POU5F1: variants seen among roughly 807,000 people sequenced by gnomAD.
The protein encoded by POU5F1 is POU class 5 homeobox 1.
In POU5F1, 6 loss-of-function variants were observed where a neutral mutation model predicts 38.3. That is an observed-to-expected ratio of 0.16 (90% CI 0.09 to 0.31). The LOEUF (loss-of-function observed/expected upper bound fraction) is 0.31, where lower values mean the gene tolerates loss of function less well. Among genes scored for constraint, POU5F1 ranks in the 10% least tolerant of loss-of-function variants. The pLI, the probability that POU5F1 is intolerant of heterozygous loss-of-function variation, is 1.00. For missense variants in POU5F1, 286 were observed against 462.6 expected (o/e 0.62, Z 3.50); for synonymous variants, 147 against 194.9 (o/e 0.75, Z 2.05).
chr6:31,166,083 A>C (rs765521397), intron 1 of POU5F1, 36 bp from the exon 2 acceptor site: 38 of 1,614,086 alleles, frequency 2.4e-5, no homozygotes, highest in Admixed American at 3.3e-5. Context: ...GTAAGAACAT[A>C]AACACACCAG....
At position 31,164,627 on chromosome 6, in the gene POU5F1, G is replaced by C; in HGVS notation, c.1057C>G (p.Leu353Val). 1.3e-6 allele frequency: 2 copies of C among 1,582,550 alleles called. No homozygotes were observed. The highest frequency in any genetic ancestry group is 1.7e-6 in the Non-Finnish European group (2 of 1,164,070). ...CAGTTTGAATGCATGGGAGAGCCCA[G>C]AGTGGTGACGGAGACAGGGGGAAAG... ...EAFPPVSVTT[L>V]GSPMHSN Residue 353 changes from leucine to valine, a missense_variant, in exon 5 of 5, where the codon CTG becomes GTG. Physicochemically the swap from Leu to Val is conservative, Grantham distance 32. Coordinates refer to ENST00000259915, the MANE Select transcript of POU5F1 (RefSeq NM_002701.6).
At chr6:31,166,615 C>T (rs983642581) in intron 1 of POU5F1, 37 of 1,098,640 alleles carry the variant, frequency 3.4e-5, no homozygotes, top group African/African-American at 8.1e-5. Context: ...GCTGAGATCA[C>T]GCCACTGCAC....
intron 1 of POU5F1, chr6:31,167,214 A>C: frequency 3.3e-6 from 1 of 306,948 alleles, no homozygotes; most frequent in Non-Finnish European, 6.2e-6. Flanking sequence ...TCCTGCTCTG[A>C]AAAATAAAAA....
rs750095390 is a variant in POU5F1, at chr6:31,170,309, C to T, written c.312G>A (p.Glu104=). 1 of 1,612,810 alleles carries T rather than the reference C, an allele frequency of 6.2e-7. No homozygotes were observed. Among genetic ancestry groups the T allele is most frequent in the Non-Finnish European group, 8.5e-7 (1 of 1,179,844 alleles). Residue 104 remains glutamate (E), a synonymous_variant, in exon 1 of 5, where the codon GAG becomes GAA. Coordinates refer to ENST00000259915, the MANE Select transcript of POU5F1 (RefSeq NM_002701.6). ...QPEGEAGVGV[E]SNSDGASPEP... is the part of the protein sequence containing the mutation. ...CCGGGGAGGCCCCATCGGAGTTGCT[C>T]TCCACCCCGACTCCTGCTTCGCCCT...
In POU5F1 at chr6:31,165,427, C is replaced by G; in HGVS notation, c.658-141G>C. 1 of 1,565,748 alleles carries G rather than the reference C, an allele frequency of 6.4e-7. No homozygotes were observed. The highest frequency in any genetic ancestry group is 8.7e-7 in the Non-Finnish European group (1 of 1,153,326). On this transcript the variant is annotated intron_variant, in intron 3 of 4. Transcript: ENST00000259915. The surrounding 1 kb of genome is among the most constrained non-coding windows in gnomAD (Gnocchi z 6.5). Reference sequence around the variant, plus strand: ...GATCCTGGAAGGGTTGGCTCTGGACCTTATCCCAGCAGAACTGAGGAATTT... The same window carrying G: ...GATCCTGGAAGGGTTGGCTCTGGACGTTATCCCAGCAGAACTGAGGAATTT...
chr6:31,165,894 A>G lies in POU5F1; in HGVS notation c.526+33T>C, dbSNP rs1250867103. On this transcript the variant is annotated intron_variant, in intron 2 of 4. Transcript: ENST00000259915. This position sits in a 1 kb window ranked among gnomAD's most constrained non-coding sequence, Gnocchi z 6.5. ...GGTTCAGGGATACTCCTTAGAGGGG[A>G]GATGCGGTCAGAATCTGCAGAGGGG... 6.2e-7 allele frequency: 1 copy of G among 1,613,204 alleles called. No homozygotes were observed. Among genetic ancestry groups the G allele is most frequent in the South Asian group, 1.1e-5 (1 of 91,000 alleles).
intron 1 of POU5F1, among the ~76,000 whole-genome samples, chr6:31,167,674 C>T (rs1777371858): frequency 6.6e-6 from 1 of 150,914 alleles, no homozygotes; most frequent in Non-Finnish European, 1.5e-5. Context: ...CACCACTGCA[C>T]TCCAGCCTGA....
rs1473170859 is a variant in POU5F1 at position 31,166,802 on chromosome 6, T to C, written c.406-755A>G. ...GGTTAATTAAAAAGGAAGAGCATCA[T>C]GTCTCAGAAGCTAAATTCAGTATAT... On this transcript the variant is annotated intron_variant, in intron 1 of 4. Coordinates refer to ENST00000259915, the MANE Select transcript of POU5F1 (RefSeq NM_002701.6). The C allele has an allele frequency of 4.2e-6, 5 of 1,183,336 alleles. No homozygotes were observed. The African/African-American group carries it at 7.9e-5, about 19-fold the overall frequency. 73.3% of individuals were successfully genotyped at this position (1,183,336 alleles called of 1,614,324 possible).
intron 4 of POU5F1, 123 bp from the exon 5 acceptor site, chr6:31,164,990 T>C: frequency 1.2e-5 from 19 of 1,547,972 alleles, no homozygotes; most frequent in Non-Finnish European, 1.5e-5. Flanking sequence ...CATTAGAGAA[T>C]GAGCTGAGAC....
At chr6:31,169,946 A>G in intron 1 of POU5F1, 1 of 590,172 alleles carries the variant, frequency 1.7e-6, no homozygotes, top group Non-Finnish European at 3.0e-6. Flanking sequence ...GGCCAGAGCA[A>G]AGGCCAGCCT....
chr6:31,164,642 C>T lies in POU5F1; in HGVS notation c.1042G>A (p.Val348Ile), dbSNP rs1777060142. ...PFPEGEAFPP[V>I]SVTTLGSPMH... ...GGAGAGCCCAGAGTGGTGACGGAGACAGGGGGAAAGGCTTCCCCCTCAGGG... is the reference window on the plus strand; with the variant it reads ...GGAGAGCCCAGAGTGGTGACGGAGATAGGGGGAAAGGCTTCCCCCTCAGGG... The change falls in exon 5 of 5, where the codon GTC (valine) becomes ATC (isoleucine). Residue 348 changes from valine (V) to isoleucine (I), a missense_variant. Transcript: ENST00000259915. The T allele has an allele frequency of 6.3e-7, 1 of 1,583,730 alleles. No homozygotes were observed. Among genetic ancestry groups the T allele is most frequent in the South Asian group, 1.1e-5 (1 of 87,304 alleles).
chr6:31,167,080 C>T (rs750002991), intron 1 of POU5F1: 4 of 518,778 alleles, frequency 7.7e-6, no homozygotes, highest in South Asian at 1.7e-5. Flanking sequence ...GGACAAAGAG[C>T]CCTGACATCC....
chr6:31,168,627 G>C (rs746950699), intron 1 of POU5F1, among the ~76,000 whole-genome samples: 2 of 152,206 alleles, frequency 1.3e-5, no homozygotes, highest in Non-Finnish European at 1.5e-5. Flanking sequence ...TGAGGCCAGG[G>C]TTAGGTTGTG....
At position 31,165,296 on chromosome 6, in the gene POU5F1, T is replaced by C; in HGVS notation, c.658-10A>G. On this transcript the variant is annotated splice_polypyrimidine_tract_variant and intron_variant, in intron 3 of 4. Transcript: ENST00000259915. The surrounding 1 kb of genome is among the most constrained non-coding windows in gnomAD (Gnocchi z 6.5). Reference sequence around the variant, plus strand: ...TTTCTGCTTTGCATATCTGTGCAGGTGGGAAGGGGGTGACAAGGGCAAGCT... The same window carrying C: ...TTTCTGCTTTGCATATCTGTGCAGGCGGGAAGGGGGTGACAAGGGCAAGCT... 1 of 1,607,862 alleles carries C rather than the reference T, an allele frequency of 6.2e-7. No homozygotes were observed. The highest frequency in any genetic ancestry group is 8.5e-7 in the Non-Finnish European group (1 of 1,177,258).
chr6:31,170,499 G>C lies in POU5F1; in HGVS notation c.122C>G (p.Pro41Arg). The C allele has an allele frequency of 6.3e-7, 1 of 1,597,136 alleles. No homozygotes were observed. The highest frequency in any genetic ancestry group is 8.5e-7 in the Non-Finnish European group (1 of 1,172,680). Residue 41 changes from proline (P) to arginine (R), a missense_variant, in exon 1 of 5, where the codon CCT (proline) becomes CGT (arginine). By Grantham distance (103) the Pro-to-Arg change is moderately radical. Transcript: ENST00000259915. ...DPRTWLSFQG[P>R]PGGPGIGPGV... ...CGGCCCGATTCCTGGCCCTCCAGGAGGGCCTTGGAAGCTTAGCCAGGTCCG... is the reference window on the plus strand; with the variant it reads ...CGGCCCGATTCCTGGCCCTCCAGGACGGCCTTGGAAGCTTAGCCAGGTCCG...
rs1489249310 is a variant in POU5F1 at position 31,166,043 on chromosome 6, T to C, written c.410A>G (p.Gln137Arg). 6.8e-6 allele frequency: 11 copies of C among 1,614,232 alleles called. No homozygotes were observed. The highest frequency in any genetic ancestry group is 8.5e-6 in the Non-Finnish European group (10 of 1,180,036). The change falls in exon 2 of 5, where the codon CAG (glutamine) becomes CGG (arginine). Residue 137 changes from glutamine to arginine, a missense_variant. Physicochemically the swap from Gln to Arg is conservative, Grantham distance 43 (BLOSUM62 1). This residue lies in a region of POU5F1 where 176 missense variants were observed against 184.8 expected (regional missense o/e 0.95). Transcript: ENST00000259915. The part of the protein sequence containing the change: ...EKLEQNPEES[Q>R]DIKALQKELE... The stretch of plus-strand genomic sequence containing the variant: ...TTCTTTCTGCAGAGCTTTGATGTCC[T>C]GGGACTGGATTTTAAAAGGCAGAAG...
chr6:31,168,401 A>C (rs1777438697), intron 1 of POU5F1, among the ~76,000 whole-genome samples: 1 of 151,744 alleles, frequency 6.6e-6, no homozygotes, highest in Non-Finnish European at 1.5e-5. Context: ...ACGCCCAGCT[A>C]ATTTTGTATT....
At chr6:31,168,297 G>A (rs1232029260) in intron 1 of POU5F1, among the ~76,000 whole-genome samples, 2 of 149,228 alleles carry the variant, frequency 1.3e-5, no homozygotes, top group African/African-American at 5.0e-5. Flanking sequence ...GTGCACTGGC[G>A]CGATCTCGGC....
chr6:31,166,979 T>G (rs950476755), intron 1 of POU5F1: 12 of 931,258 alleles, frequency 1.3e-5, no homozygotes, highest in Non-Finnish European at 1.9e-5. Flanking sequence ...TCATCTTTAC[T>G]GTATCTTTTT....
Sources: allele counts gnomAD v4.1 joint callset (sites outside exome capture counted in the v4.1 genomes callset), GRCh38; gene constraint gnomAD v4.1.1; regional missense constraint gnomAD v4.1.1; non-coding constraint Gnocchi (gnomAD v3.1); transcripts MANE v1.5; gene names NCBI Gene and HGNC (gene_info 2026-07-23, HGNC 2026-07-21).